The following B3GALT1 variants were observed in gnomAD, a reference collection of about 807,000 sequenced individuals.
The protein encoded by B3GALT1 is UDP-Gal:betaGlcNAc beta 1,3-galactosyltransferase, polypeptide 1.
B3GALT1 carries 10 observed loss-of-function variants against 23.2 expected under a neutral mutation model. The ratio of observed to expected loss-of-function variants is 0.43; its 90% CI spans 0.27 to 0.73. The LOEUF (loss-of-function observed/expected upper bound fraction) is 0.73, where lower values mean the gene tolerates loss of function less well. Among genes scored for constraint, B3GALT1 ranks in the 30% least tolerant of loss-of-function variants. B3GALT1 has a pLI of 0.21. For synonymous variants in B3GALT1, 156 were observed against 141.5 expected, an observed-to-expected ratio of 1.10 and a Z score of -0.73; for missense variants, 299 against 405.4, an observed-to-expected ratio of 0.74 and a Z score of 2.25.
intron 1 of B3GALT1, among the ~76,000 whole-genome samples, chr2:167,364,707 A>G (rs924818545): frequency 6.6e-6 from 1 of 152,194 alleles, no homozygotes; most frequent in African/African-American, 2.4e-5. Flanking sequence ...CATGGTGTAT[A>G]TGTGCCACAT....
At chr2:167,589,333 T>A (rs1471712539) in intron 2 of B3GALT1, among the ~76,000 whole-genome samples, 2 of 152,176 alleles carry the variant, frequency 1.3e-5, no homozygotes, top group African/African-American at 4.8e-5. Flanking sequence ...AATTTTTAAG[T>A]GGTTGTACAT....
intron 3 of B3GALT1, among the ~76,000 whole-genome samples, chr2:167,745,593 C>G (rs905605624): frequency 6.6e-6 from 1 of 152,044 alleles, no homozygotes; most frequent in African/African-American, 2.4e-5. Flanking sequence ...TTTTTCTCAG[C>G]AATTTGAAGA....
At position 167,545,023 on chromosome 2, in the gene B3GALT1, C is replaced by CTTTTTTTTTT. The variant is rs869066627; in HGVS notation, c.-410+54768_-410+54777dup. On this transcript the variant is annotated intron_variant, in intron 2 of 4. Transcript: ENST00000392690. ...GGAAGGCCGCTTTTGGCTTGGGTGT[C>CTTTTTTTTTT]TTTTTTTTTTTTTTTTTTTTTTTTT... Among the ~76,000 whole-genome samples, 38 of 54,286 alleles carry CTTTTTTTTTT rather than the reference C, an allele frequency of 7.0e-4. 10 individuals carry two copies. The highest frequency in any genetic ancestry group is 2.0e-3 in the South Asian group (2 of 976). 35.6% of individuals were successfully genotyped at this position (54,286 alleles called of 152,430 possible).
At chr2:167,715,370 C>T in intron 3 of B3GALT1, 1 of 1,613,800 alleles carries the variant, frequency 6.2e-7, no homozygotes, top group Non-Finnish European at 8.5e-7. Flanking sequence ...TTGTTCTTTC[C>T]ATACTTCAGC....
chr2:167,603,341 C>T (rs1012568993), intron 2 of B3GALT1, among the ~76,000 whole-genome samples: 2 of 152,112 alleles, frequency 1.3e-5, no homozygotes, highest in Non-Finnish European at 2.9e-5. Flanking sequence ...ATCTTCTTTA[C>T]TGTGTCTTAG....
At chr2:167,381,366 C>A (rs906424818) in intron 1 of B3GALT1, among the ~76,000 whole-genome samples, 15 of 152,138 alleles carry the variant, frequency 9.9e-5, no homozygotes, top group Non-Finnish European at 2.1e-4. Flanking sequence ...CCTGGACCTG[C>A]TTTTGTTTTC....
chr2:167,458,417 A>G (rs1699204522), intron 1 of B3GALT1, among the ~76,000 whole-genome samples: 1 of 152,244 alleles, frequency 6.6e-6, no homozygotes, highest in Non-Finnish European at 1.5e-5. Flanking sequence ...TGCTATGAGC[A>G]TGGGTGTACA....
At chr2:167,713,832 C>T in intron 3 of B3GALT1, 1 of 1,592,824 alleles carries the variant, frequency 6.3e-7, no homozygotes, top group Non-Finnish European at 8.6e-7. Context: ...GCAAATGGAG[C>T]ATGTGGTGGA....
At chr2:167,690,215 CAA>C (rs1686687601) in intron 3 of B3GALT1, among the ~76,000 whole-genome samples, 2 of 151,076 alleles carry the variant, frequency 1.3e-5, no homozygotes, top group Non-Finnish European at 3.0e-5. Flanking sequence ...TTAAAAAAAT[CAA>C]AATAAATATT....
chr2:167,801,126 T>C (rs985516115), intron 3 of B3GALT1, among the ~76,000 whole-genome samples: 2 of 152,244 alleles, frequency 1.3e-5, no homozygotes, highest in African/African-American at 4.8e-5. Flanking sequence ...TGCATAGTTA[T>C]AGACATAGTC....
intron 1 of B3GALT1, among the ~76,000 whole-genome samples, chr2:167,456,829 T>G (rs1254827945): frequency 1.3e-5 from 2 of 152,194 alleles, no homozygotes; most frequent in Non-Finnish European, 2.9e-5. Context: ...CTCCATGTGT[T>G]CATCAGTCCA....
At chr2:167,842,534 A>C (rs1375024625) in intron 4 of B3GALT1, among the ~76,000 whole-genome samples, 4 of 152,196 alleles carry the variant, frequency 2.6e-5, no homozygotes, top group African/African-American at 9.7e-5. Context: ...AGTTGTATTA[A>C]ATATTTAACT....
chr2:167,406,749 A>G (rs1164405418), intron 1 of B3GALT1, among the ~76,000 whole-genome samples: 4 of 152,188 alleles, frequency 2.6e-5, no homozygotes, highest in African/African-American at 9.7e-5. Flanking sequence ...ACCAAAGGAG[A>G]CACCAAATCA....
intron 2 of B3GALT1, among the ~76,000 whole-genome samples, chr2:167,505,739 C>G (rs374921200): frequency 2.6e-5 from 4 of 152,076 alleles, no homozygotes; most frequent in East Asian, 3.9e-4. Flanking sequence ...AATCTAGACT[C>G]TTTCTACTGA....
At chr2:167,595,289 A>G (rs1684756648) in intron 2 of B3GALT1, among the ~76,000 whole-genome samples, 1 of 152,168 alleles carries the variant, frequency 6.6e-6, no homozygotes, top group Non-Finnish European at 1.5e-5. Flanking sequence ...TAGAGCAAAA[A>G]TAGACAAAAA....
intron 3 of B3GALT1, among the ~76,000 whole-genome samples, chr2:167,755,490 C>T (rs1442495972): frequency 1.4e-5 from 2 of 147,348 alleles, no homozygotes; most frequent in African/African-American, 4.9e-5. Flanking sequence ...CCCTTCCTCA[C>T]CCCTCCAATC....
At chr2:167,752,597 C>G (rs1328304960) in intron 3 of B3GALT1, among the ~76,000 whole-genome samples, 3 of 141,840 alleles carry the variant, frequency 2.1e-5, no homozygotes, top group Non-Finnish European at 1.5e-5. Flanking sequence ...TCCCCCCACA[C>G]CCCCCTTCCC....
chr2:167,661,373 G>A (rs1014013430), intron 3 of B3GALT1, among the ~76,000 whole-genome samples: 7 of 151,978 alleles, frequency 4.6e-5, no homozygotes, highest in Admixed American at 6.6e-5. Context: ...AGCTTTAACT[G>A]TCTCTAGCCC....
At chr2:167,358,827 A>G (rs1697457488) in intron 1 of B3GALT1, among the ~76,000 whole-genome samples, 1 of 152,100 alleles carries the variant, frequency 6.6e-6, no homozygotes, top group Admixed American at 6.6e-5. Context: ...TTTTTGAGAC[A>G]GAATCCTGCT....
Sources: allele counts gnomAD v4.1 joint callset (sites outside exome capture counted in the v4.1 genomes callset), GRCh38; gene constraint gnomAD v4.1.1; transcripts MANE v1.5; gene names NCBI Gene and HGNC (gene_info 2026-07-23, HGNC 2026-07-21).